KIAA1217: variants seen among roughly 807,000 people sequenced by gnomAD.
KIAA1217 encodes KIAA1217, also known as sickle tail protein homolog.
A neutral mutation model predicts 163.9 loss-of-function variants in KIAA1217; 88 were observed. The ratio of observed to expected loss-of-function variants is 0.54; its 90% CI spans 0.45 to 0.64. The LOEUF (loss-of-function observed/expected upper bound fraction) is 0.64. Ranked by LOEUF, KIAA1217 falls within the 30% of genes least tolerant of loss-of-function variation. The pLI is 0.00. For missense variants in KIAA1217, 2,372 were observed against 2,475.0 expected (o/e 0.96, Z 0.88); for synonymous variants, 903 against 923.1 (o/e 0.98, Z 0.39).
chr10:24,396,324 G>A (rs2055743079), intron 3 of KIAA1217, among the ~76,000 whole-genome samples: 2 of 151,970 alleles, frequency 1.3e-5, no homozygotes, highest in Non-Finnish European at 2.9e-5. Flanking sequence ...GCGACAGAGT[G>A]AGACTCTGTC....
At chr10:24,195,286 G>A (rs374972276) in intron 2 of KIAA1217, among the ~76,000 whole-genome samples, 2 of 152,156 alleles carry the variant, frequency 1.3e-5, no homozygotes, top group South Asian at 4.1e-4. Flanking sequence ...TGTATTTCCA[G>A]CTACAAGATG....
chr10:23,820,356 TC>T (rs1328754090), intron 1 of KIAA1217, among the ~76,000 whole-genome samples: 2 of 152,190 alleles, frequency 1.3e-5, no homozygotes, highest in Non-Finnish European at 2.9e-5. Context: ...GAAATACAGT[TC>T]TACTCTATGA....
At chr10:24,490,250 C>G (rs777801732) in intron 6 of KIAA1217, among the ~76,000 whole-genome samples, 1 of 152,178 alleles carries the variant, frequency 6.6e-6, no homozygotes, top group African/African-American at 2.4e-5. Flanking sequence ...GCCATCTTTT[C>G]AACAGTAATT....
chr10:23,914,252 G>A (rs985633303), intron 1 of KIAA1217, among the ~76,000 whole-genome samples: 1 of 152,130 alleles, frequency 6.6e-6, no homozygotes, highest in Non-Finnish European at 1.5e-5. Context: ...GCACAGGGGT[G>A]TGATGGGCCA....
Position 23,783,853 on chromosome 10 carries a change from T to C in KIAA1217, c.-321+88619T>C, listed in dbSNP as rs552901025. 1.6e-4 allele frequency among the ~76,000 whole-genome samples: 25 copies of C among 152,264 alleles called. No homozygotes were observed. The South Asian group carries it at 5.0e-3, about 30-fold the overall frequency. ...AGTTATCCATTTTCTTGACAGGTGATTGTTTATAATAGTTCCTTAGGATTC... is the reference window on the plus strand; with the variant it reads ...AGTTATCCATTTTCTTGACAGGTGACTGTTTATAATAGTTCCTTAGGATTC... On this transcript the variant is annotated intron_variant, in intron 1 of 18. Transcript: ENST00000376462.
chr10:24,495,265 A>G, intron 8 of KIAA1217, 69 bp downstream of exon 8: 1 of 1,298,020 alleles, frequency 7.7e-7, no homozygotes, highest in South Asian at 1.3e-5. Flanking sequence ...CTGGTCTCAG[A>G]AATGTTTAAC....
At chr10:24,356,833 T>C (rs1437164918) in intron 2 of KIAA1217, among the ~76,000 whole-genome samples, 1 of 152,240 alleles carries the variant, frequency 6.6e-6, no homozygotes, top group African/African-American at 2.4e-5. Flanking sequence ...ATTTTCTTTA[T>C]AAATTACCCA....
chr10:24,166,045 G>C (rs1198472467), intron 2 of KIAA1217, among the ~76,000 whole-genome samples: 1 of 152,106 alleles, frequency 6.6e-6, no homozygotes. Context: ...AGTCAAGAGA[G>C]AAAAGGATTA....
intron 1 of KIAA1217, among the ~76,000 whole-genome samples, chr10:23,738,422 C>G (rs1397559837): frequency 5.3e-5 from 8 of 152,128 alleles, no homozygotes; most frequent in African/African-American, 1.9e-4. Context: ...GTATTTTTCA[C>G]ATTGTCATTT....
At chr10:24,408,169 G>A (rs923766128) in intron 3 of KIAA1217, among the ~76,000 whole-genome samples, 28 of 152,130 alleles carry the variant, frequency 1.8e-4, no homozygotes, top group African/African-American at 6.5e-4. Flanking sequence ...ATAAAAATAG[G>A]ACCTACTTCA....
Position 24,200,787 on chromosome 10 carries a change from G to T in KIAA1217, c.-170-18839G>T, listed in dbSNP as rs147436444. Among the ~76,000 whole-genome samples, 181 of 152,248 alleles carry T rather than the reference G, an allele frequency of 1.2e-3. 1 individual carries two copies. Among genetic ancestry groups the T allele is most frequent in the African/African-American group, 4.3e-3 (177 of 41,542 alleles). On this transcript the variant is annotated intron_variant, in intron 2 of 18. Coordinates refer to the KIAA1217 transcript ENST00000376462. ...CTGATTGCACCAGTCAAGCTTGGGGGTGATGAAAGGAAGCATCCCCAGCTG... is the reference window on the plus strand; with the variant it reads ...CTGATTGCACCAGTCAAGCTTGGGGTTGATGAAAGGAAGCATCCCCAGCTG...
intron 1 of KIAA1217, among the ~76,000 whole-genome samples, chr10:23,836,588 T>C (rs776154909): frequency 6.6e-6 from 1 of 151,370 alleles, no homozygotes; most frequent in Non-Finnish European, 1.5e-5. Context: ...ATATATTGCA[T>C]AGCAATGAGG....
chr10:24,281,017 G>T (rs561762003), intron 2 of KIAA1217, among the ~76,000 whole-genome samples: 1 of 152,218 alleles, frequency 6.6e-6, no homozygotes, highest in South Asian at 2.1e-4. Context: ...GTTTATTAAA[G>T]CTAGACTGCT....
intron 1 of KIAA1217, among the ~76,000 whole-genome samples, chr10:23,764,597 T>C (rs965211840): frequency 6.6e-6 from 1 of 152,166 alleles, no homozygotes; most frequent in Non-Finnish European, 1.5e-5. Context: ...GTATACACTA[T>C]GGAATACTAT....
Position 24,087,930 on chromosome 10 carries a change from C to T in KIAA1217, c.-171+80556C>T, listed in dbSNP as rs2061762264. On this transcript the variant is annotated intron_variant, in intron 2 of 18. Transcript: ENST00000376462. ...GAGCTGTGGTGGCCTCCCAAGCCTT[C>T]CCATGATGAAAAGTAAATAGAGCAG... Among the ~76,000 whole-genome samples the T allele has an allele frequency of 1.6e-5, 2 of 127,630 alleles. 1 individual carries two copies. The highest frequency in any genetic ancestry group is 1.5e-4 in the Admixed American group (2 of 13,326). 83.7% of individuals were successfully genotyped at this position (127,630 alleles called of 152,430 possible). A position where few individuals can be genotyped will look rare whatever the true frequency, so the allele number is the denominator to read the frequency against.
At chr10:23,889,728 T>A (rs1272747133) in intron 1 of KIAA1217, among the ~76,000 whole-genome samples, 1 of 151,752 alleles carries the variant, frequency 6.6e-6, no homozygotes, top group Non-Finnish European at 1.5e-5. Flanking sequence ...CATTTTGTAT[T>A]GTTTTTTCTC....
intron 4 of KIAA1217, among the ~76,000 whole-genome samples, chr10:24,434,243 G>A (rs1214299723): frequency 6.6e-6 from 1 of 151,680 alleles, no homozygotes. Flanking sequence ...TTTACCACGT[G>A]GGTCAGGCTG....
intron 1 of KIAA1217, among the ~76,000 whole-genome samples, chr10:23,999,931 T>C (rs1162327955): frequency 6.6e-6 from 1 of 152,014 alleles, no homozygotes; most frequent in African/African-American, 2.4e-5. Context: ...ACTGGGGATG[T>C]TGGCACAAGT....
At chr10:23,697,496 T>C (rs114877465) in intron 1 of KIAA1217, among the ~76,000 whole-genome samples, 2,995 of 152,112 alleles carry the variant, frequency 0.02, 106 homozygotes, top group African/African-American at 0.068. Flanking sequence ...GTAATAAGGA[T>C]TCCATCCCCC....
Sources: gnomAD v4.1 joint callset for allele counts (sites outside exome capture counted in the v4.1 genomes callset) on GRCh38, gnomAD v4.1.1 for gene constraint, MANE v1.5 for transcripts, NCBI Gene and HGNC (gene_info 2026-07-23, HGNC 2026-07-21) for gene names.